Variants in ANKRD62 observed in about 807,000 individuals in gnomAD.
ANKRD62 encodes the protein ankyrin repeat domain-containing protein 62.
ANKRD62 carries 61 observed loss-of-function variants against 98.8 expected under a neutral mutation model. That is an observed-to-expected ratio of 0.62 (90% CI 0.50 to 0.76). ANKRD62 has a LOEUF of 0.76. Ranked by LOEUF, ANKRD62 falls within the 30% of genes least tolerant of loss-of-function variation. The probability of loss-of-function intolerance (pLI) is 0.00; values close to 1 mark genes in which losing one functional copy is unlikely to be tolerated. For synonymous variants in ANKRD62, 341 were observed against 367.9 expected (o/e 0.93, Z 0.84); for missense variants, 933 against 1,082.9 (o/e 0.86, Z 1.94).
the ANKRD62 span, among the ~76,000 whole-genome samples, chr18:12,169,915 A>G: frequency 6.6e-6 from 1 of 152,090 alleles, no homozygotes; most frequent in Non-Finnish European, 1.5e-5. Context: ...GTTTATTTGC[A>G]TAGAGGTGTT....
At chr18:12,170,602 T>C in the ANKRD62 span, among the ~76,000 whole-genome samples, 3 of 152,334 alleles carry the variant, frequency 2.0e-5, no homozygotes, top group Admixed American at 6.5e-5. Flanking sequence ...AGAATGTATA[T>C]TCTGTTGATT....
chr18:12,134,802 C>G, the ANKRD62 span, among the ~76,000 whole-genome samples: 1 of 152,114 alleles, frequency 6.6e-6, no homozygotes, highest in Non-Finnish European at 1.5e-5. Flanking sequence ...TGTTCCAAGT[C>G]TTTACTATTG....
chr18:12,103,814 G>A (rs1375323973), intron 7 of ANKRD62, among the ~76,000 whole-genome samples: 1 of 152,038 alleles, frequency 6.6e-6, no homozygotes, highest in African/African-American at 2.4e-5. Flanking sequence ...TTTCAACATA[G>A]GAAATCTGCA....
intron 6 of ANKRD62, chr18:12,101,980 A>G: frequency 9.3e-7 from 1 of 1,080,090 alleles, no homozygotes. Flanking sequence ...CAAAGTATTA[A>G]GTCAGAAAGG....
the ANKRD62 span, among the ~76,000 whole-genome samples, chr18:12,158,098 AAGGTGTGTCCCCACAATAGGC>A: frequency 6.6e-6 from 1 of 152,236 alleles, no homozygotes; most frequent in Non-Finnish European, 1.5e-5. Flanking sequence ...GCCACAAGAC[AAGGTGTGTCCCCACAATAGGC>A]AGGTGGCTCA....
chr18:12,163,131 C>A, the ANKRD62 span, among the ~76,000 whole-genome samples: 1 of 151,964 alleles, frequency 6.6e-6, no homozygotes, highest in Non-Finnish European at 1.5e-5. Flanking sequence ...ACAACATTGT[C>A]TCTTCCAATT....
the ANKRD62 span, among the ~76,000 whole-genome samples, chr18:12,152,930 C>A: frequency 6.6e-6 from 1 of 152,172 alleles, no homozygotes; most frequent in African/African-American, 2.4e-5. Context: ...AGCCAAAAAT[C>A]TCCTTAAGCT....
chr18:12,125,710 A>AT lies in ANKRD62; in HGVS notation c.1890dup (p.Glu631Ter), dbSNP rs534615828. ...AGTAAAGAGCTTAATGTTCTGATGGATGAGAATACAATGCTCAATTCTGAG... is the reference window on the plus strand; with the variant it reads ...AGTAAAGAGCTTAATGTTCTGATGGATTGAGAATACAATGCTCAATTCTGAG... On this transcript the variant is annotated frameshift_variant, in exon 13 of 14. Transcript: ENST00000587848. LOFTEE classifies it high-confidence loss of function. 4 of 1,541,326 alleles carry AT rather than the reference A, an allele frequency of 2.6e-6. No homozygotes were observed. In the African/African-American group the frequency reaches 5.5e-5, roughly 21 times the overall value.
the ANKRD62 span, among the ~76,000 whole-genome samples, chr18:12,171,483 T>C: frequency 9.5e-3 from 1,434 of 151,038 alleles, no homozygotes; most frequent in African/African-American, 0.034. Flanking sequence ...TCTTCTGGCT[T>C]GTAGGGTTTC....
chr18:12,146,513 T>G, the ANKRD62 span, among the ~76,000 whole-genome samples: 13 of 152,286 alleles, frequency 8.5e-5, no homozygotes, highest in East Asian at 2.5e-3. Context: ...TGGCACAATC[T>G]CGGCTCACCG....
At chr18:12,120,973 GT>G (rs1338060545) in intron 10 of ANKRD62, among the ~76,000 whole-genome samples, 4 of 152,086 alleles carry the variant, frequency 2.6e-5, no homozygotes, top group African/African-American at 7.2e-5. Flanking sequence ...ATTTTGCCAA[GT>G]TTAGAATTTT....
chr18:12,158,183 C>G, the ANKRD62 span, among the ~76,000 whole-genome samples: 1 of 152,172 alleles, frequency 6.6e-6, no homozygotes, highest in African/African-American at 2.4e-5. Context: ...CCTCTCCTGC[C>G]AGAGGAACGT....
the ANKRD62 span, among the ~76,000 whole-genome samples, chr18:12,145,131 T>TGTGCTGTGTC: frequency 3.3e-5 from 5 of 152,054 alleles, no homozygotes; most frequent in East Asian, 9.8e-4. Context: ...TGTGTCGTGC[T>TGTGCTGTGTC]GTGCTGTGCT....
the ANKRD62 span, among the ~76,000 whole-genome samples, chr18:12,154,549 GCTAAAAGCAGAACTACCATTCCACC>G: frequency 2.0e-5 from 3 of 152,000 alleles, no homozygotes; most frequent in East Asian, 5.8e-4. Flanking sequence ...TCCTCAGAAA[GCTAAAAGCAGAACTACCATTCCACC>G]CTAAAAGCAG....
chr18:12,169,154 G>A, the ANKRD62 span, among the ~76,000 whole-genome samples: 1 of 152,126 alleles, frequency 6.6e-6, no homozygotes, highest in Admixed American at 6.5e-5. Context: ...GCCCTGGCCA[G>A]GACTTCCAAC....
the ANKRD62 span, among the ~76,000 whole-genome samples, chr18:12,155,195 T>C: frequency 1.9e-3 from 6 of 3,094 alleles, no homozygotes; most frequent in African/African-American, 9.1e-3. Flanking sequence ...GTACCAGAAA[T>C]GTAACTTATT....
intron 10 of ANKRD62, among the ~76,000 whole-genome samples, chr18:12,117,397 G>A (rs1385997918): frequency 6.6e-6 from 1 of 152,152 alleles, no homozygotes; most frequent in East Asian, 1.9e-4. Context: ...CTATTGTGTG[G>A]TCATGGTTGT....
chr18:12,134,550 G>C (rs1015500239), downstream of ANKRD62, among the ~76,000 whole-genome samples: 3 of 152,014 alleles, frequency 2.0e-5, no homozygotes, highest in African/African-American at 7.3e-5. Context: ...ACAGGCCCCA[G>C]TGTGTGATGT....
In ANKRD62 at chr18:12,097,770, T is replaced by C; in HGVS notation, c.745T>C (p.Phe249Leu). ...AGAAGACTACGCTGTTGCTTCTAAG[T>C]TTCAAGCGTAAGTGTTAAAAAGGCT... is the stretch of plus-strand genomic sequence containing the variant. ...TAEDYAVASK[F>L]QAIRGMISEY... The change falls in exon 5 of 14, where the codon TTT becomes CTT. Residue 249 changes from phenylalanine to leucine, a missense_variant. Phe to Leu is a conservative substitution (Grantham distance 22, BLOSUM62 0). This residue lies in a region of ANKRD62 where 549 missense variants were observed against 587.9 expected (regional missense o/e 0.93). Coordinates refer to ENST00000587848, the MANE Select transcript of ANKRD62 (RefSeq NM_001277333.2). 1 of 1,535,642 alleles carries C rather than the reference T, an allele frequency of 6.5e-7. No homozygotes were observed. Among genetic ancestry groups the C allele is most frequent in the Non-Finnish European group, 8.7e-7 (1 of 1,146,372 alleles).
Sources: allele counts gnomAD v4.1 joint callset (sites outside exome capture counted in the v4.1 genomes callset), GRCh38; gene constraint gnomAD v4.1.1; regional missense constraint gnomAD v4.1.1; transcripts MANE v1.5; gene names NCBI Gene and HGNC (gene_info 2026-07-23, HGNC 2026-07-21).